The following SRGAP2C variants were observed in gnomAD, a reference collection of about 807,000 sequenced individuals.
SRGAP2C encodes the protein SLIT-ROBO Rho GTPase activating protein 2C.
Under a neutral mutation model 25.1 loss-of-function variants are expected in SRGAP2C, and 15 were observed. The ratio of observed to expected loss-of-function variants is 0.60; its 90% CI spans 0.40 to 0.92. The LOEUF is 0.92. Ranked by LOEUF, SRGAP2C falls within the 40% of genes least tolerant of loss-of-function variation. The pLI, the probability that SRGAP2C is intolerant of heterozygous loss-of-function variation, is 0.00. For synonymous variants in SRGAP2C, 44 were observed against 96.6 expected (o/e 0.46, Z 3.19); for missense variants, 144 against 264.4 (o/e 0.54, Z 3.16).
chr1:121,362,858 TC>T (rs1297361842), intron 4 of SRGAP2C: 38 of 141,158 alleles, frequency 2.7e-4, no homozygotes, highest in African/African-American at 4.6e-4. Flanking sequence ...TGTGGCTTCT[TC>T]CAGCAGTTGA....
intron 2 of SRGAP2C, among the ~76,000 whole-genome samples, chr1:121,268,490 G>A (rs1408408026): frequency 2.0e-5 from 3 of 150,614 alleles, no homozygotes; most frequent in Admixed American, 1.3e-4. Context: ...TAGACTGCAG[G>A]GAAGCAAGGG....
At chr1:121,289,275 A>G (rs1657442690) in intron 3 of SRGAP2C, among the ~76,000 whole-genome samples, 1 of 147,176 alleles carries the variant, frequency 6.8e-6, no homozygotes, top group Admixed American at 6.7e-5. Flanking sequence ...AGGCCCAGCG[A>G]GAAATCGAGC....
chr1:121,257,407 C>A (rs1553332710), intron 2 of SRGAP2C, among the ~76,000 whole-genome samples: 2 of 143,598 alleles, frequency 1.4e-5, no homozygotes, highest in African/African-American at 5.1e-5. Flanking sequence ...AGCCACCATG[C>A]CAGGCCCCAT....
chr1:121,307,105 A>G (rs1657859218), intron 3 of SRGAP2C, among the ~76,000 whole-genome samples: 1 of 145,536 alleles, frequency 6.9e-6, no homozygotes, highest in African/African-American at 2.6e-5. Flanking sequence ...CTAGGACCAC[A>G]GGTGCACACC....
In SRGAP2C at chr1:121,293,276, C is replaced by T. The variant is rs1553337896; in HGVS notation, c.260+8281C>T. On this transcript the variant is annotated intron_variant, in intron 3 of 9. Coordinates refer to ENST00000367123, the MANE Select transcript of SRGAP2C (RefSeq NM_001329984.2). Reference sequence around the variant, plus strand: ...ATTATAAATGTGATAGTGAAATAAACCTGGAAAAGATAGGGGCCAGAAGAT... The same window carrying T: ...ATTATAAATGTGATAGTGAAATAAATCTGGAAAAGATAGGGGCCAGAAGAT... Among the ~76,000 whole-genome samples, 4 of 121,636 alleles carry T rather than the reference C, an allele frequency of 3.3e-5. No individual in the cohort carries two copies. In the East Asian group the frequency reaches 1.1e-3, roughly 32 times the overall value. 79.8% of individuals were successfully genotyped at this position (121,636 alleles called of 152,430 possible). A position where few individuals can be genotyped will look rare whatever the true frequency, so the allele number is the denominator to read the frequency against.
chr1:121,282,805 G>A (rs1285738177), intron 2 of SRGAP2C, among the ~76,000 whole-genome samples: 34 of 148,048 alleles, frequency 2.3e-4, no homozygotes, highest in African/African-American at 5.0e-4. Flanking sequence ...TGATCCGCCC[G>A]CCTCGGCCTC....
chr1:121,211,404 T>A, intron 2 of SRGAP2C, among the ~76,000 whole-genome samples: 1 of 127,336 alleles, frequency 7.9e-6, no homozygotes, highest in Non-Finnish European at 1.7e-5. Context: ...GAGAGAGATA[T>A]ATATATACAC....
At chr1:121,351,623 A>G (rs1340993113) in intron 4 of SRGAP2C, among the ~76,000 whole-genome samples, 2 of 141,314 alleles carry the variant, frequency 1.4e-5, no homozygotes, top group Admixed American at 1.4e-4. Context: ...ATAAATAAAT[A>G]AATAAATAAA....
At chr1:121,263,564 A>G (rs1656686189) in intron 2 of SRGAP2C, among the ~76,000 whole-genome samples, 1 of 151,574 alleles carries the variant, frequency 6.6e-6, no homozygotes, top group Non-Finnish European at 1.5e-5. Flanking sequence ...ATTCTACAGA[A>G]GTTCTATCAA....
chr1:121,260,927 CTTTTTTCTT>C (rs1328905823), intron 2 of SRGAP2C, among the ~76,000 whole-genome samples: 2 of 63,670 alleles, frequency 3.1e-5, no homozygotes, highest in Non-Finnish European at 6.4e-5. Context: ...TTTTGAAACA[CTTTTTTCTT>C]TTTTTTCTTT....
intron 2 of SRGAP2C, among the ~76,000 whole-genome samples, chr1:121,237,641 C>G (rs189480565): frequency 1.9e-4 from 29 of 152,230 alleles, no homozygotes; most frequent in Admixed American, 5.9e-4. Flanking sequence ...CAGAATGACT[C>G]TGGAACCCAT....
chr1:121,314,827 A>G (rs1558115061), intron 3 of SRGAP2C: 1 of 494,278 alleles, frequency 2.0e-6, no homozygotes, highest in Non-Finnish European at 3.8e-6. Flanking sequence ...TGCTCTCTTC[A>G]AAGCTCAGAT....
chr1:121,212,291 C>T lies in SRGAP2C; in HGVS notation c.67+24778C>T, dbSNP rs1477203255. Among the ~76,000 whole-genome samples, 7 of 146,568 alleles carry T rather than the reference C, an allele frequency of 4.8e-5. No homozygotes were observed. In the South Asian group the frequency reaches 9.0e-4, roughly 19 times the overall value. On this transcript the variant is annotated intron_variant, in intron 2 of 9. Transcript: ENST00000367123. ...GACTACAGGCGCCCGCCACCACGCT[C>T]GGCTAATTTTTGTATTTTTTAGTAG...
At position 121,324,540 on chromosome 1, in the gene SRGAP2C, G is replaced by A; in HGVS notation, c.323G>A (p.Trp108Ter). Residue 108 changes from tryptophan to a stop codon, truncating the protein, a stop_gained, in exon 4 of 10, where the codon TGG becomes TAG. Coordinates refer to ENST00000367123, the MANE Select transcript of SRGAP2C (RefSeq NM_001329984.2). LOFTEE classifies it high-confidence loss of function. The part of the protein sequence containing the change: ...CWNLLLNQVK[W>*]ESRDHTTLSD... ...AATCTCCTCTTAAACCAGGTGAAGTGGGAAAGCAGGGACCATACCACCCTG... is the reference window on the plus strand; with the variant it reads ...AATCTCCTCTTAAACCAGGTGAAGTAGGAAAGCAGGGACCATACCACCCTG... 1 of 1,613,424 alleles carries A rather than the reference G, an allele frequency of 6.2e-7. No individual in the cohort carries two copies.
At chr1:121,249,546 CTATATATATATATATATA>C (rs1181025618) in intron 2 of SRGAP2C, among the ~76,000 whole-genome samples, 1 of 40,156 alleles carries the variant, frequency 2.5e-5, no homozygotes, top group African/African-American at 1.2e-4. Flanking sequence ...TGAACATGGA[CTATATATATATATATATA>C]TATATATATA....
chr1:121,377,905 T>C lies in SRGAP2C; in HGVS notation c.831+2951T>C, dbSNP rs1378178533. Among the ~76,000 whole-genome samples the C allele has an allele frequency of 6.6e-5, 10 of 151,522 alleles. No homozygotes were observed. The East Asian group carries it at 2.0e-3, about 30-fold the overall frequency. On this transcript the variant is annotated intron_variant, in intron 7 of 9. Coordinates refer to ENST00000367123, the MANE Select transcript of SRGAP2C (RefSeq NM_001329984.2). ...CATTGGTAAGATTATGTGAAACTTT[T>C]ATGTTAGATATGTATGTACACACTT... is the stretch of plus-strand genomic sequence containing the variant.
intron 2 of SRGAP2C, among the ~76,000 whole-genome samples, chr1:121,263,406 G>A (rs1656678569): frequency 7.3e-6 from 1 of 137,142 alleles, no homozygotes; most frequent in Admixed American, 7.6e-5. Flanking sequence ...ACTCCAGCCT[G>A]GGCGACAGAG....
chr1:121,322,154 C>G (rs1401178998), intron 3 of SRGAP2C, among the ~76,000 whole-genome samples: 1 of 149,928 alleles, frequency 6.7e-6, no homozygotes, highest in East Asian at 1.9e-4. Flanking sequence ...AATCCATCTT[C>G]TTCCTTAAGA....
intron 2 of SRGAP2C, among the ~76,000 whole-genome samples, chr1:121,281,298 G>A (rs1327850405): frequency 5.5e-4 from 84 of 151,560 alleles, no homozygotes; most frequent in African/African-American, 2.0e-3. Context: ...AACAAGGGAG[G>A]CATCTTCTTC....
Sources: gnomAD v4.1 joint callset for allele counts (sites outside exome capture counted in the v4.1 genomes callset) on GRCh38, gnomAD v4.1.1 for gene constraint, MANE v1.5 for transcripts, NCBI Gene and HGNC (gene_info 2026-07-23, HGNC 2026-07-21) for gene names.